Variants in MEAF6 observed in about 807,000 individuals in gnomAD.
MEAF6 encodes the protein chromatin modification-related protein MEAF6.
In MEAF6, 15 loss-of-function variants were observed where a neutral mutation model predicts 28.9. That is an observed-to-expected ratio of 0.52 (90% CI 0.35 to 0.80). The LOEUF is 0.80. Ranked by LOEUF, MEAF6 falls within the 30% of genes least tolerant of loss-of-function variation. The probability of loss-of-function intolerance (pLI) is 0.01; values close to 1 mark genes in which losing one functional copy is unlikely to be tolerated. For missense variants in MEAF6, 178 were observed against 237.5 expected, an observed-to-expected ratio of 0.75 and a Z score of 1.65; for synonymous variants, 97 against 88.7, an observed-to-expected ratio of 1.09 and a Z score of -0.53.
At chr1:37,504,827 ATT>A (rs999477928) in intron 4 of MEAF6, among the ~76,000 whole-genome samples, 1 of 149,660 alleles carries the variant, frequency 6.7e-6, no homozygotes, top group African/African-American at 2.5e-5. Context: ...ACACACACAC[ATT>A]ATCTATTTCT....
chr1:37,512,231 T>A (rs1642693927), intron 2 of MEAF6, among the ~76,000 whole-genome samples: 1 of 152,194 alleles, frequency 6.6e-6, no homozygotes, highest in African/African-American at 2.4e-5. Flanking sequence ...ATTGTACCAA[T>A]GTCAATTTTC....
At chr1:37,496,833 A>G in intron 5 of MEAF6, 3 of 1,297,754 alleles carry the variant, frequency 2.3e-6, no homozygotes, top group East Asian at 5.6e-5. Flanking sequence ...TTGTAGAAAC[A>G]AAATCAGCTT....
intron 5 of MEAF6, chr1:37,500,899 T>A (rs1008891090): frequency 6.5e-6 from 1 of 154,136 alleles, no homozygotes; most frequent in Non-Finnish European, 1.5e-5. Flanking sequence ...AGAACGAATG[T>A]ACAGTTTCTA....
At chr1:37,496,501 A>G in intron 5 of MEAF6, 1 of 1,023,928 alleles carries the variant, frequency 9.8e-7, no homozygotes, top group South Asian at 2.5e-5. Context: ...AATGCATAAA[A>G]GTGAAGTTTA....
chr1:37,503,769 G>A (rs1392091190), intron 4 of MEAF6, among the ~76,000 whole-genome samples: 1 of 151,334 alleles, frequency 6.6e-6, no homozygotes, highest in Non-Finnish European at 1.5e-5. Context: ...TTCAAGACCA[G>A]CCTGGTCAGC....
chr1:37,495,716 A>AAAC (rs1642109959), intron 6 of MEAF6, among the ~76,000 whole-genome samples, 169 bp downstream of exon 6: 5 of 129,782 alleles, frequency 3.9e-5, no homozygotes, highest in Non-Finnish European at 5.2e-5. Flanking sequence ...AAAAAAAAAA[A>AAAC]AAACAAAAAA....
chr1:37,504,135 G>A (rs1006782495), intron 4 of MEAF6, among the ~76,000 whole-genome samples: 2 of 152,086 alleles, frequency 1.3e-5, no homozygotes, highest in African/African-American at 4.8e-5. Context: ...AGAACTGATG[G>A]TTTTAGAAGT....
chr1:37,495,977 A>G (rs1642119925), intron 5 of MEAF6, 59 bp from the exon 6 acceptor site: 3 of 1,393,996 alleles, frequency 2.2e-6, no homozygotes, highest in African/African-American at 2.8e-5. Context: ...GGGTCCCACA[A>G]TCAGCTACTG....
chr1:37,495,082 C>A (rs895813809), intron 6 of MEAF6, among the ~76,000 whole-genome samples: 1 of 151,946 alleles, frequency 6.6e-6, no homozygotes, highest in Non-Finnish European at 1.5e-5. Context: ...CGCCTGTAAT[C>A]CCAGCACTTT....
rs1488219811 is a variant in MEAF6 at position 37,492,941 on chromosome 1, G to A, written c.*1158C>T. Reference sequence around the variant, plus strand: ...GTCTCTAGGGATGGGATCCAGGCATGAGTATTTTAAAGCTTCTCAGGTGAT... The same window carrying A: ...GTCTCTAGGGATGGGATCCAGGCATAAGTATTTTAAAGCTTCTCAGGTGAT... On this transcript the variant is annotated 3_prime_UTR_variant, in exon 7 of 7. Coordinates refer to ENST00000296214, the MANE Select transcript of MEAF6 (RefSeq NM_001270875.3). 1 of 152,236 alleles carries A rather than the reference G, an allele frequency of 6.6e-6. No individual in the cohort carries two copies. Among genetic ancestry groups the A allele is most frequent in the Non-Finnish European group, 1.5e-5 (1 of 68,046 alleles). 9.4% of individuals were successfully genotyped at this position (152,236 alleles called of 1,614,324 possible). A position where few individuals can be genotyped will look rare whatever the true frequency, so the allele number is the denominator to read the frequency against.
intron 5 of MEAF6, among the ~76,000 whole-genome samples, chr1:37,499,809 G>C (rs1015274707): frequency 1.3e-5 from 2 of 152,154 alleles, no homozygotes; most frequent in Non-Finnish European, 2.9e-5. Flanking sequence ...CTAGAAACTT[G>C]CAAGAAGAAA....
chr1:37,497,040 G>A (rs1300275053), intron 5 of MEAF6, among the ~76,000 whole-genome samples: 1 of 152,090 alleles, frequency 6.6e-6, no homozygotes, highest in African/African-American at 2.4e-5. Context: ...ATATTTAATT[G>A]TATTGAAAAA....
chr1:37,498,691 A>T (rs1642199285), intron 5 of MEAF6, among the ~76,000 whole-genome samples: 1 of 151,246 alleles, frequency 6.6e-6, no homozygotes, highest in African/African-American at 2.4e-5. Context: ...TCAGCCTCCC[A>T]AATTGCTGGA....
intron 5 of MEAF6, among the ~76,000 whole-genome samples, chr1:37,496,952 A>C (rs1488664782): frequency 6.6e-6 from 1 of 152,248 alleles, no homozygotes; most frequent in African/African-American, 2.4e-5. Context: ...ACTATGAAAG[A>C]AAAAGTTATT....
rs199863828 is a variant in MEAF6, at chr1:37,509,291, C to T, written c.327G>A (p.Gln109=). ...ACATCAACTTACTCTTTTCAATGAG[C>T]TGGTCCTGAACTCCTGCCAATGCAC... ...AVSALAGVQD[Q]LIEKREPGSG... is the part of the protein sequence containing the mutation. Residue 109 remains glutamine (Q), a synonymous_variant, in exon 4 of 7, where the codon CAG becomes CAA. Transcript: ENST00000296214. 1.2e-6 allele frequency: 2 copies of T among 1,614,038 alleles called. No individual in the cohort carries two copies. The highest frequency in any genetic ancestry group is 2.2e-5 in the East Asian group (1 of 44,884).
At chr1:37,509,604 G>A in intron 2 of MEAF6, 62 bp from the exon 3 acceptor site, 2 of 1,412,904 alleles carry the variant, frequency 1.4e-6, no homozygotes, top group African/African-American at 1.4e-5. Context: ...AGCTGGGGAT[G>A]CCCCAGGACT....
rs1382230010 is a variant in MEAF6 at position 37,491,994 on chromosome 1, T to C, written c.*2105A>G. On this transcript the variant is annotated 3_prime_UTR_variant, in exon 7 of 7. Transcript: ENST00000296214. ...GCAGTGGCGCAACAGAGCAGTACTA[T>C]TCCATCTCTAGCAATCTCAAACTGT... 2.0e-5 allele frequency among the ~76,000 whole-genome samples: 3 copies of C among 150,864 alleles called. No individual in the cohort carries two copies. Among genetic ancestry groups the C allele is most frequent in the Non-Finnish European group, 2.9e-5 (2 of 67,800 alleles).
intron 6 of MEAF6, among the ~76,000 whole-genome samples, 188 bp downstream of exon 6, chr1:37,495,697 C>CAAAAAAAAAAAAAAAAA (rs1373520573): frequency 5.4e-5 from 5 of 92,674 alleles, no homozygotes; most frequent in Admixed American, 1.1e-4. Flanking sequence ...AAAAAAAAAA[C>CAAAAAAAAAAAAAAAAA]AAAAAACAAA....
At chr1:37,497,547 A>G (rs909692284) in intron 5 of MEAF6, among the ~76,000 whole-genome samples, 4 of 152,094 alleles carry the variant, frequency 2.6e-5, no homozygotes, top group African/African-American at 9.7e-5. Context: ...CAGGGCTATA[A>G]TTAAGAAACA....
Sources: allele counts gnomAD v4.1 joint callset (sites outside exome capture counted in the v4.1 genomes callset), GRCh38; gene constraint gnomAD v4.1.1; transcripts MANE v1.5; gene names NCBI Gene and HGNC (gene_info 2026-07-23, HGNC 2026-07-21).